Variants in SGCD observed in about 807,000 individuals in gnomAD.
SGCD encodes the protein sarcoglycan delta.
A neutral mutation model predicts 36.6 loss-of-function variants in SGCD; 18 were observed. The observed-to-expected ratio is 0.49, with a 90% CI of 0.34 to 0.73. The LOEUF (loss-of-function observed/expected upper bound fraction) is 0.73, where lower values mean the gene tolerates loss of function less well. Among genes scored for constraint, SGCD ranks in the 30% least tolerant of loss-of-function variants. The probability of loss-of-function intolerance (pLI) is 0.01; values close to 1 mark genes in which losing one functional copy is unlikely to be tolerated. For synonymous variants in SGCD, 133 were observed against 130.6 expected (o/e 1.02, Z -0.12); for missense variants, 387 against 346.7 (o/e 1.12, Z -0.92).
At chr5:155,949,089 C>T (rs1158190352) in intron 1 of SGCD, among the ~76,000 whole-genome samples, 1 of 152,146 alleles carries the variant, frequency 6.6e-6, no homozygotes, top group Admixed American at 6.5e-5. Context: ...TCTTCTCTTC[C>T]TAAATACTGA....
chr5:156,667,422 C>G (rs1399374496), intron 7 of SGCD, among the ~76,000 whole-genome samples: 2 of 152,122 alleles, frequency 1.3e-5, no homozygotes, highest in Non-Finnish European at 2.9e-5. Flanking sequence ...CTCTCTACTT[C>G]TCTCCCTTTC....
intron 3 of SGCD, among the ~76,000 whole-genome samples, chr5:156,126,093 C>T (rs1043400186): frequency 6.6e-6 from 1 of 151,936 alleles, no homozygotes; most frequent in Non-Finnish European, 1.5e-5. Flanking sequence ...ATTGTCCACG[C>T]TGGTCTCGAA....
At position 156,761,860 on chromosome 5, in the gene SGCD, T is replaced by A. The variant is rs908963081; in HGVS notation, c.*2470T>A. 5 of 152,142 alleles carry A rather than the reference T, an allele frequency of 3.3e-5. No homozygotes were observed. The highest frequency in any genetic ancestry group is 3.3e-4 in the Admixed American group (5 of 15,276). 9.4% of individuals were successfully genotyped at this position (152,142 alleles called of 1,614,324 possible). ...ACAAACAGAATAAAAATAAGAGCAA[T>A]CAACCATATAAATCAAGTACCTATT... is the stretch of plus-strand genomic sequence containing the variant. On this transcript the variant is annotated 3_prime_UTR_variant, in exon 9 of 9. Coordinates refer to ENST00000337851, the MANE Select transcript of SGCD (RefSeq NM_000337.6).
chr5:156,271,646 T>TGA (rs901214079), intron 3 of SGCD, among the ~76,000 whole-genome samples: 19 of 151,768 alleles, frequency 1.3e-4, no homozygotes, highest in African/African-American at 4.6e-4. Context: ...TGTGTGTGTG[T>TGA]GAGAGAGAGA....
intron 3 of SGCD, among the ~76,000 whole-genome samples, chr5:156,309,601 ATT>A (rs3043458): frequency 0.092 from 11,133 of 121,046 alleles, 375 homozygotes; most frequent in Middle Eastern, 0.13. Context: ...ATCTTTGAGC[ATT>A]TTTTTTTTTT....
At chr5:156,449,181 A>G (rs1753881062) in intron 3 of SGCD, among the ~76,000 whole-genome samples, 6 of 152,008 alleles carry the variant, frequency 3.9e-5, no homozygotes, top group African/African-American at 1.4e-4. Context: ...GTTCTTTAAG[A>G]GATCAGTTCT....
At chr5:156,260,456 T>C (rs1378052496) in intron 3 of SGCD, among the ~76,000 whole-genome samples, 1 of 152,166 alleles carries the variant, frequency 6.6e-6, no homozygotes, top group Non-Finnish European at 1.5e-5. Flanking sequence ...TTCTCACATA[T>C]ATTTATTCCA....
upstream of SGCD, among the ~76,000 whole-genome samples, chr5:155,868,018 C>T (rs1755554329): frequency 6.6e-6 from 1 of 151,966 alleles, no homozygotes; most frequent in Non-Finnish European, 1.5e-5. Flanking sequence ...GTGTAAAATT[C>T]ACAAGTTAAG....
chr5:155,790,049 GA>G, the SGCD span, among the ~76,000 whole-genome samples: 18 of 151,524 alleles, frequency 1.2e-4, no homozygotes, highest in Non-Finnish European at 7.4e-5. Flanking sequence ...TATATTCTCT[GA>G]AAAAAAATGC....
intron 2 of SGCD, among the ~76,000 whole-genome samples, chr5:156,332,758 T>A (rs537433389): frequency 6.6e-6 from 1 of 152,248 alleles, no homozygotes; most frequent in South Asian, 2.1e-4. Flanking sequence ...ACTGAAAACA[T>A]TAAATGTGAT....
intron 3 of SGCD, among the ~76,000 whole-genome samples, chr5:156,229,795 A>C (rs971746808): frequency 6.6e-6 from 1 of 152,072 alleles, no homozygotes; most frequent in Non-Finnish European, 1.5e-5. Context: ...AGGAATGCTG[A>C]TTATTCTTAG....
chr5:156,402,012 A>G (rs1561672106), intron 3 of SGCD, among the ~76,000 whole-genome samples: 1 of 152,206 alleles, frequency 6.6e-6, no homozygotes, highest in South Asian at 2.1e-4. Context: ...GAGTGAAATC[A>G]TGCAGTATTT....
At chr5:156,116,402 A>C (rs140474794) in intron 1 of SGCD, among the ~76,000 whole-genome samples, 1 of 152,106 alleles carries the variant, frequency 6.6e-6, no homozygotes, top group African/African-American at 2.4e-5. Context: ...TAAATTTCCT[A>C]TTGACATCCC....
At chr5:155,895,892 G>C (rs1756240409) in intron 1 of SGCD, among the ~76,000 whole-genome samples, 1 of 152,200 alleles carries the variant, frequency 6.6e-6, no homozygotes, top group African/African-American at 2.4e-5. Context: ...GAAAAATGCT[G>C]ACATTGTTTT....
At chr5:156,049,272 T>C (rs187281592) in intron 1 of SGCD, among the ~76,000 whole-genome samples, 3,168 of 146,002 alleles carry the variant, frequency 0.022, 436 homozygotes, top group Non-Finnish European at 0.032. Flanking sequence ...GCCTCCAGCT[T>C]TGTTCTTTTG....
At chr5:155,846,198 C>T in the SGCD span, among the ~76,000 whole-genome samples, 1 of 152,120 alleles carries the variant, frequency 6.6e-6, no homozygotes, top group Non-Finnish European at 1.5e-5. Flanking sequence ...TTCGTCTTTA[C>T]TATGGCATTT....
chr5:156,498,620 A>G (rs1756307092), intron 3 of SGCD, among the ~76,000 whole-genome samples: 1 of 152,224 alleles, frequency 6.6e-6, no homozygotes, highest in Admixed American at 6.5e-5. Flanking sequence ...TGATTGCTAA[A>G]TAGTATTCCA....
chr5:156,384,629 C>T (rs911732115), intron 3 of SGCD, among the ~76,000 whole-genome samples: 5 of 151,230 alleles, frequency 3.3e-5, no homozygotes, highest in African/African-American at 1.2e-4. Flanking sequence ...GTTTTATCTA[C>T]AGAGAGATGC....
Position 156,077,614 on chromosome 5 carries a change from C to A in SGCD, c.-281-40264C>A, listed in dbSNP as rs542078520. ...CATGGGGTATATCATATGATAATTC[C>A]TGCCCTTACACACACACTGTACTAG... On this transcript the variant is annotated intron_variant, in intron 1 of 9. Coordinates refer to the SGCD transcript ENST00000517913. Among the ~76,000 whole-genome samples, 6 of 152,180 alleles carry A rather than the reference C, an allele frequency of 3.9e-5. No individual in the cohort carries two copies. The South Asian group carries it at 1.2e-3, about 32-fold the overall frequency.
Sources: gnomAD v4.1 joint callset for allele counts (sites outside exome capture counted in the v4.1 genomes callset) on GRCh38, gnomAD v4.1.1 for gene constraint, MANE v1.5 for transcripts, NCBI Gene and HGNC (gene_info 2026-07-23, HGNC 2026-07-21) for gene names.